The following CNNM2 variants were observed in gnomAD, a reference collection of about 807,000 sequenced individuals.
CNNM2 encodes the protein cyclin and CBS domain divalent metal cation transport mediator 2, also known as metal transporter CNNM2.
Under a neutral mutation model 66.9 loss-of-function variants are expected in CNNM2, and 12 were observed. The ratio of observed to expected loss-of-function variants is 0.18; its 90% CI spans 0.11 to 0.29. CNNM2 has a LOEUF of 0.29. Ranked by LOEUF, CNNM2 falls within the 10% of genes least tolerant of loss-of-function variation. CNNM2 has a pLI of 1.00. For missense variants in CNNM2, 705 were observed against 1,167.7 expected (o/e 0.60, Z 5.77); for synonymous variants, 557 against 501.8 (o/e 1.11, Z -1.47).
At chr10:103,052,296 A>AC (rs947835896) in intron 2 of CNNM2, among the ~76,000 whole-genome samples, 11 of 151,272 alleles carry the variant, frequency 7.3e-5, no homozygotes, top group African/African-American at 2.4e-4. Flanking sequence ...AAAAACAAAA[A>AC]AAAAAAAACC....
intron 1 of CNNM2, among the ~76,000 whole-genome samples, chr10:103,028,375 G>T (rs1390775857): frequency 3.3e-5 from 5 of 152,062 alleles, no homozygotes; most frequent in Non-Finnish European, 7.3e-5. Flanking sequence ...CGGTTTTCAG[G>T]TTGAATTCAT....
chr10:102,954,439 TTTAATAAAA>T (rs1177688977), intron 1 of CNNM2, among the ~76,000 whole-genome samples: 1 of 152,158 alleles, frequency 6.6e-6, no homozygotes, highest in Admixed American at 6.6e-5. Context: ...AATAGTCATA[TTTAATAAAA>T]TTTTTAAAGG....
intron 1 of CNNM2, among the ~76,000 whole-genome samples, chr10:102,924,375 A>G (rs1321946305): frequency 2.6e-5 from 4 of 152,204 alleles, no homozygotes; most frequent in Admixed American, 2.6e-4. Context: ...ATTGCAGAGC[A>G]TGCTATTTAC....
At chr10:103,023,503 G>A (rs1478121611) in intron 1 of CNNM2, among the ~76,000 whole-genome samples, 1 of 152,104 alleles carries the variant, frequency 6.6e-6, no homozygotes, top group East Asian at 1.9e-4. Flanking sequence ...AGCCGAGATC[G>A]TGCCATTGCA....
chr10:103,031,242 T>C lies in CNNM2; in HGVS notation c.1622-18465T>C, dbSNP rs7087459. Among the ~76,000 whole-genome samples, 46,835 of 152,052 alleles carry C rather than the reference T, an allele frequency of 0.31. 7,343 individuals are homozygous for C. Among genetic ancestry groups the C allele is most frequent in the Middle Eastern group, 0.36 (107 of 294 alleles). On this transcript the variant is annotated intron_variant, in intron 1 of 7. Transcript: ENST00000369878. The stretch of plus-strand genomic sequence containing the variant: ...AATTTTGAAAAATCGGAAAGTTTAC[T>C]GTGGGCCAAAATTACTCTTTCCACA...
At position 102,927,428 on chromosome 10, in the gene CNNM2, A is replaced by G. The variant is rs190249783; in HGVS notation, c.1621+7327A>G. ...CATTCTTTCTTTCAACATCACAGAC[A>G]TTGGCAACTCTAGGATGTCTATACA... On this transcript the variant is annotated intron_variant, in intron 1 of 7. Coordinates refer to ENST00000369878, the MANE Select transcript of CNNM2 (RefSeq NM_017649.5). 3.5e-5 allele frequency: 56 copies of G among 1,612,578 alleles called. No homozygotes were observed. In the African/African-American group the frequency reaches 6.5e-4, roughly 19 times the overall value.
intron 1 of CNNM2, among the ~76,000 whole-genome samples, chr10:102,969,845 G>C (rs2063523038): frequency 6.6e-6 from 1 of 151,804 alleles, no homozygotes; most frequent in African/African-American, 2.4e-5. Flanking sequence ...GTTTCTCCAT[G>C]TTGGTCAGGC....
intron 1 of CNNM2, among the ~76,000 whole-genome samples, chr10:102,976,972 G>A (rs545883564): frequency 2.0e-5 from 3 of 152,264 alleles, no homozygotes; most frequent in African/African-American, 7.2e-5. Context: ...ACATCATGCA[G>A]CTTGACTATT....
At position 103,082,593 on chromosome 10, in the gene CNNM2, GGTCT is replaced by G. The variant is rs1269269038; in HGVS notation, c.*5418_*5421del. The G allele has an allele frequency of 2.0e-5, 3 of 152,226 alleles. No individual in the cohort carries two copies. Among genetic ancestry groups the G allele is most frequent in the Admixed American group, 6.5e-5 (1 of 15,274 alleles). The allele number at this position is 152,226 out of a possible 1,614,324, so 9.4% of individuals were successfully genotyped here. On this transcript the variant is annotated 3_prime_UTR_variant, in exon 8 of 8. Transcript: ENST00000369878. ...AGTACTTCGTCTGTGACTAGGACAA[GGTCT>G]GTCTTGAAGCTTCCTCATCCATGGA...
intron 1 of CNNM2, among the ~76,000 whole-genome samples, chr10:103,027,917 G>A (rs954700704): frequency 1.3e-5 from 2 of 152,196 alleles, no homozygotes; most frequent in Non-Finnish European, 2.9e-5. Context: ...GGGAGGCCAT[G>A]AGAAGGTAAA....
chr10:102,940,506 C>T (rs1315431140), intron 1 of CNNM2, among the ~76,000 whole-genome samples: 1 of 122,202 alleles, frequency 8.2e-6, no homozygotes, highest in Non-Finnish European at 1.7e-5. Context: ...GCAAGCTCCG[C>T]CTCCCGGGTT....
chr10:102,935,326 G>A (rs1363582220), intron 1 of CNNM2, among the ~76,000 whole-genome samples: 4 of 151,872 alleles, frequency 2.6e-5, no homozygotes, highest in Admixed American at 1.3e-4. Flanking sequence ...AATGGGTGTG[G>A]TGGTGCACAC....
intron 6 of CNNM2, among the ~76,000 whole-genome samples, chr10:103,073,155 C>A (rs893587296): frequency 6.6e-6 from 1 of 152,214 alleles, no homozygotes; most frequent in African/African-American, 2.4e-5. Flanking sequence ...AGAGGGTGGC[C>A]ATGGGGCCAG....
chr10:102,968,492 G>A (rs1482983343), intron 1 of CNNM2, among the ~76,000 whole-genome samples: 2 of 152,136 alleles, frequency 1.3e-5, no homozygotes, highest in African/African-American at 2.4e-5. Flanking sequence ...TGATCTGCCC[G>A]CCTTGGCCTC....
At chr10:102,946,493 C>T (rs1846622308) in intron 1 of CNNM2, among the ~76,000 whole-genome samples, 2 of 152,138 alleles carry the variant, frequency 1.3e-5, no homozygotes, top group Non-Finnish European at 2.9e-5. Context: ...AGAAAAGTCT[C>T]TCACGGGGGT....
Position 103,077,317 on chromosome 10 carries a change from C to A in CNNM2, c.*137C>A. The A allele has an allele frequency of 1.3e-6, 1 of 749,894 alleles. No individual in the cohort carries two copies. The highest frequency in any genetic ancestry group is 2.1e-6 in the Non-Finnish European group (1 of 470,874). 46.5% of individuals were successfully genotyped at this position (749,894 alleles called of 1,614,324 possible). On this transcript the variant is annotated 3_prime_UTR_variant, in exon 8 of 8. Coordinates refer to ENST00000369878, the MANE Select transcript of CNNM2 (RefSeq NM_017649.5). ...CATCCTGAGACCAAAGACCTTGTGC[C>A]CTTCCCAGGAGCCGCGGAGGAGGAC...
chr10:102,931,160 A>T (rs1375405577), intron 1 of CNNM2, among the ~76,000 whole-genome samples: 1 of 152,124 alleles, frequency 6.6e-6, no homozygotes, highest in African/African-American at 2.4e-5. Context: ...ATTGGTCTGT[A>T]CTGGGCTTCT....
At position 103,083,245 on chromosome 10, in the gene CNNM2, A is replaced by ATG. The variant is rs2065773817; in HGVS notation, c.*6066_*6067dup. On this transcript the variant is annotated 3_prime_UTR_variant, in exon 8 of 8. Transcript: ENST00000369878. ...GTATAGGATTGAGCTGATTGTCTTA[A>ATG]TGAATGCATTTTATAATTCAAATGA... 6.6e-6 allele frequency: 1 copy of ATG among 152,266 alleles called. No individual in the cohort carries two copies. Among genetic ancestry groups the ATG allele is most frequent in the Non-Finnish European group, 1.5e-5 (1 of 68,046 alleles). 9.4% of individuals were successfully genotyped at this position (152,266 alleles called of 1,614,324 possible).
intron 1 of CNNM2, among the ~76,000 whole-genome samples, chr10:102,924,192 G>A (rs1020598873): frequency 1.3e-5 from 2 of 151,930 alleles, no homozygotes; most frequent in Non-Finnish European, 2.9e-5. Flanking sequence ...AAAATGAAAG[G>A]CTGCCACCTT....
Sources: gnomAD v4.1 joint callset for allele counts (sites outside exome capture counted in the v4.1 genomes callset) on GRCh38, gnomAD v4.1.1 for gene constraint, MANE v1.5 for transcripts, NCBI Gene and HGNC (gene_info 2026-07-23, HGNC 2026-07-21) for gene names.